Variants in PRKG1 observed in about 807,000 individuals in gnomAD.
The protein encoded by PRKG1 is protein kinase cGMP-dependent 1.
A neutral mutation model predicts 88.1 loss-of-function variants in PRKG1; 35 were observed. The ratio of observed to expected loss-of-function variants is 0.40; its 90% CI spans 0.30 to 0.53. The LOEUF is 0.53. Among genes scored for constraint, PRKG1 ranks in the 20% least tolerant of loss-of-function variants. PRKG1 has a pLI of 0.59. For synonymous variants in PRKG1, 303 were observed against 292.5 expected, an observed-to-expected ratio of 1.04 and a Z score of -0.37; for missense variants, 540 against 839.8, an observed-to-expected ratio of 0.64 and a Z score of 4.41.
chr10:52,087,374 TTC>T (rs1846943021), intron 7 of PRKG1, among the ~76,000 whole-genome samples: 1 of 152,192 alleles, frequency 6.6e-6, no homozygotes, highest in African/African-American at 2.4e-5. Flanking sequence ...TGGACTTCAG[TTC>T]TACATTTTTA....
intron 3 of PRKG1, among the ~76,000 whole-genome samples, chr10:51,760,620 T>C (rs573695826): frequency 6.6e-6 from 1 of 152,028 alleles, no homozygotes; most frequent in East Asian, 2.0e-4. Context: ...TACAGGCATG[T>C]GCCATCACAC....
At chr10:52,103,752 AAAT>A (rs1214404893) in intron 7 of PRKG1, among the ~76,000 whole-genome samples, 1 of 151,810 alleles carries the variant, frequency 6.6e-6, no homozygotes, top group Non-Finnish European at 1.5e-5. Flanking sequence ...TGTTGAGGAG[AAAT>A]AATAATAATT....
At chr10:52,123,769 C>G (rs1248593394) in intron 7 of PRKG1, among the ~76,000 whole-genome samples, 4 of 151,994 alleles carry the variant, frequency 2.6e-5, no homozygotes, top group Non-Finnish European at 4.4e-5. Context: ...GTTTCCTCTA[C>G]TTGAGTTTAA....
chr10:52,020,643 A>G (rs116418608), intron 5 of PRKG1, among the ~76,000 whole-genome samples: 2,783 of 152,150 alleles, frequency 0.018, 69 homozygotes, highest in African/African-American at 0.058. Context: ...CCCCTTTCCC[A>G]TGATTCTTCC....
intron 5 of PRKG1, among the ~76,000 whole-genome samples, chr10:51,936,179 G>C (rs1219846893): frequency 6.6e-6 from 1 of 151,898 alleles, no homozygotes; most frequent in African/African-American, 2.4e-5. Context: ...AATCTAGTGT[G>C]GGCTGGGGGT....
At chr10:51,407,138 A>T (rs978491267) in intron 2 of PRKG1, among the ~76,000 whole-genome samples, 2 of 152,140 alleles carry the variant, frequency 1.3e-5, no homozygotes, top group African/African-American at 4.8e-5. Flanking sequence ...TCAAAGGTTA[A>T]TCTCCTTTGG....
At chr10:51,019,454 G>A (rs1843106122) in intron 1 of PRKG1, among the ~76,000 whole-genome samples, 1 of 152,018 alleles carries the variant, frequency 6.6e-6, no homozygotes, top group Non-Finnish European at 1.5e-5. Flanking sequence ...TGCCAAACAA[G>A]GAAGTTGGGT....
intron 6 of PRKG1, among the ~76,000 whole-genome samples, chr10:52,056,955 G>A (rs1846125204): frequency 6.6e-6 from 1 of 152,012 alleles, no homozygotes; most frequent in South Asian, 2.1e-4. Context: ...AAGAGAGTAG[G>A]CTCAGTTGAG....
At chr10:52,214,611 A>G (rs1288837195) in intron 9 of PRKG1, among the ~76,000 whole-genome samples, 1 of 152,192 alleles carries the variant, frequency 6.6e-6, no homozygotes, top group Non-Finnish European at 1.5e-5. Flanking sequence ...AATAGTAGCT[A>G]TGGCTTCACA....
intron 3 of PRKG1, among the ~76,000 whole-genome samples, chr10:51,550,958 G>T (rs1482377129): frequency 6.6e-6 from 1 of 151,882 alleles, no homozygotes; most frequent in Non-Finnish European, 1.5e-5. Flanking sequence ...CAACTAATGA[G>T]TCTCTAGGAG....
chr10:51,404,003 G>T (rs10822922), intron 2 of PRKG1, among the ~76,000 whole-genome samples: 87,655 of 151,996 alleles, frequency 0.58, 25,763 homozygotes, highest in Non-Finnish European at 0.64. Flanking sequence ...AATGTTCTTT[G>T]CCCAGATACT....
intron 3 of PRKG1, among the ~76,000 whole-genome samples, chr10:51,802,295 A>C (rs1382401101): frequency 6.6e-6 from 1 of 152,192 alleles, no homozygotes; most frequent in East Asian, 1.9e-4. Context: ...GCCCAAGGTC[A>C]TGGACAAATT....
chr10:51,562,586 T>C (rs1837495596), intron 3 of PRKG1, among the ~76,000 whole-genome samples: 1 of 152,078 alleles, frequency 6.6e-6, no homozygotes, highest in Non-Finnish European at 1.5e-5. Flanking sequence ...GCAAGATAAA[T>C]ACACCTGGGG....
chr10:51,778,848 A>G (rs1378148889), intron 3 of PRKG1, among the ~76,000 whole-genome samples: 1 of 152,174 alleles, frequency 6.6e-6, no homozygotes, highest in African/African-American at 2.4e-5. Flanking sequence ...GGATGTCAGT[A>G]CTTCAGAGAG....
chr10:52,041,291 A>G (rs1435527437), intron 5 of PRKG1, among the ~76,000 whole-genome samples: 1 of 152,198 alleles, frequency 6.6e-6, no homozygotes, highest in Non-Finnish European at 1.5e-5. Flanking sequence ...ATTGATTGAC[A>G]ATGTTGAACC....
chr10:51,596,129 C>T (rs905890572), intron 3 of PRKG1, among the ~76,000 whole-genome samples: 5 of 152,020 alleles, frequency 3.3e-5, no homozygotes, highest in South Asian at 4.1e-4. Context: ...TCGCCTGGCC[C>T]TTATGTGATT....
chr10:51,483,273 G>T (rs754650474), intron 3 of PRKG1, among the ~76,000 whole-genome samples: 2 of 151,908 alleles, frequency 1.3e-5, no homozygotes, highest in African/African-American at 2.4e-5. Context: ...CACATGCCTC[G>T]GCCTCCCAAA....
At chr10:51,085,483 T>TACAG (rs924684617) in intron 1 of PRKG1, among the ~76,000 whole-genome samples, 3 of 152,100 alleles carry the variant, frequency 2.0e-5, no homozygotes, top group African/African-American at 7.2e-5. Context: ...CACTGTTGAG[T>TACAG]ACAGAACTTC....
chr10:51,400,050 T>C lies in PRKG1; in HGVS notation c.479-67673T>C, dbSNP rs181510984. Among the ~76,000 whole-genome samples the C allele has an allele frequency of 2.5e-3, 383 of 152,314 alleles. 1 individual carries two copies. Among genetic ancestry groups the C allele is most frequent in the Non-Finnish European group, 3.6e-3 (242 of 68,032 alleles). The stretch of plus-strand genomic sequence containing the variant: ...GTAATACGTTCAGTTTCTGTTTAAT[T>C]AGCCAGTCATTGTTGGTTGTTTCTA... On this transcript the variant is annotated intron_variant, in intron 2 of 17. Coordinates refer to ENST00000373980, the MANE Select transcript of PRKG1 (RefSeq NM_006258.4).
Sources: allele counts gnomAD v4.1 joint callset (sites outside exome capture counted in the v4.1 genomes callset), GRCh38; gene constraint gnomAD v4.1.1; transcripts MANE v1.5; gene names NCBI Gene and HGNC (gene_info 2026-07-23, HGNC 2026-07-21).